ZNF804A: variants seen among roughly 807,000 people sequenced by gnomAD.
ZNF804A encodes zinc finger protein 804A.
Under a neutral mutation model 16.5 loss-of-function variants are expected in ZNF804A, and 2 were observed. The observed-to-expected ratio is 0.12, with a 90% confidence interval of 0.05 to 0.38. The LOEUF is 0.38. Among genes scored for constraint, ZNF804A ranks in the 10% least tolerant of loss-of-function variants. The probability of loss-of-function intolerance (pLI) is 0.99; values close to 1 mark genes in which losing one functional copy is unlikely to be tolerated. For missense variants in ZNF804A, 1,473 were observed against 1,390.7 expected, an observed-to-expected ratio of 1.06 and a Z score of -0.94; for synonymous variants, 534 against 489.6, an observed-to-expected ratio of 1.09 and a Z score of -1.20.
chr2:184,850,267 G>A (rs562237630), intron 1 of ZNF804A, among the ~76,000 whole-genome samples: 2 of 151,846 alleles, frequency 1.3e-5, no homozygotes, highest in Admixed American at 6.6e-5. Flanking sequence ...TTGAGGTGAT[G>A]GATACTCCAA....
At chr2:184,794,188 G>A (rs1694594707) in intron 1 of ZNF804A, among the ~76,000 whole-genome samples, 1 of 152,060 alleles carries the variant, frequency 6.6e-6, no homozygotes, top group Admixed American at 6.6e-5. Flanking sequence ...ATTCCCACCA[G>A]CAGTGTAGAA....
chr2:184,616,723 T>C (rs1261467945), intron 1 of ZNF804A, among the ~76,000 whole-genome samples: 1 of 152,092 alleles, frequency 6.6e-6, no homozygotes, highest in African/African-American at 2.4e-5. Flanking sequence ...TGCAGGAAAA[T>C]AAAGTTCTAC....
intron 2 of ZNF804A, among the ~76,000 whole-genome samples, chr2:184,925,981 G>A (rs1194629289): frequency 6.6e-6 from 1 of 151,762 alleles, no homozygotes; most frequent in Non-Finnish European, 1.5e-5. Flanking sequence ...AGTTGCTGTA[G>A]TTGTTGTTTT....
intron 2 of ZNF804A, among the ~76,000 whole-genome samples, chr2:184,898,965 G>A (rs1310387860): frequency 1.3e-5 from 2 of 151,822 alleles, no homozygotes; most frequent in Admixed American, 1.3e-4. Flanking sequence ...TAATTAATAA[G>A]CCTTGTGTTT....
intron 2 of ZNF804A, among the ~76,000 whole-genome samples, chr2:184,877,429 G>A (rs1408268582): frequency 6.6e-6 from 1 of 152,030 alleles, no homozygotes; most frequent in African/African-American, 2.4e-5. Context: ...GATTTGAGAA[G>A]GGTACATTCC....
chr2:184,777,884 T>C (rs959463571), intron 1 of ZNF804A, among the ~76,000 whole-genome samples: 1 of 151,682 alleles, frequency 6.6e-6, no homozygotes, highest in African/African-American at 2.4e-5. Context: ...AGTGATTTTG[T>C]TGAGTTGATA....
intron 1 of ZNF804A, among the ~76,000 whole-genome samples, chr2:184,861,345 T>G (rs775687498): frequency 4.6e-5 from 7 of 152,196 alleles, no homozygotes; most frequent in Non-Finnish European, 1.0e-4. Context: ...GGTGCTACAA[T>G]CTCTTATCTG....
chr2:184,617,062 T>C (rs560795813), intron 1 of ZNF804A, among the ~76,000 whole-genome samples: 2 of 152,120 alleles, frequency 1.3e-5, no homozygotes, highest in African/African-American at 4.8e-5. Flanking sequence ...TTTTAGAAAA[T>C]TAGCTATACA....
intron 2 of ZNF804A, among the ~76,000 whole-genome samples, chr2:184,907,128 G>A (rs1410696857): frequency 1.4e-4 from 22 of 152,134 alleles, no homozygotes; most frequent in Admixed American, 1.4e-3. Context: ...TATACCCTGA[G>A]GAGAGAACAC....
intron 1 of ZNF804A, among the ~76,000 whole-genome samples, chr2:184,685,320 T>C (rs907780248): frequency 6.6e-6 from 1 of 152,010 alleles, no homozygotes; most frequent in African/African-American, 2.4e-5. Flanking sequence ...AAAGAGAGTG[T>C]CACAGCCGTG....
intron 1 of ZNF804A, among the ~76,000 whole-genome samples, chr2:184,778,197 A>G (rs1041149775): frequency 6.6e-6 from 1 of 151,506 alleles, no homozygotes; most frequent in Non-Finnish European, 1.5e-5. Flanking sequence ...GACATGCACA[A>G]ATTTGTTTTA....
chr2:184,620,609 T>C (rs1358873229), intron 1 of ZNF804A, among the ~76,000 whole-genome samples: 1 of 151,764 alleles, frequency 6.6e-6, no homozygotes, highest in Admixed American at 6.6e-5. Flanking sequence ...CATCAGGGTA[T>C]GGAATCACAC....
At chr2:184,717,908 A>C (rs965865467) in intron 1 of ZNF804A, among the ~76,000 whole-genome samples, 2 of 152,208 alleles carry the variant, frequency 1.3e-5, no homozygotes, top group African/African-American at 4.8e-5. Flanking sequence ...AAGAACTGGA[A>C]CAAGACAAGC....
chr2:184,617,451 A>G (rs1000039615), intron 1 of ZNF804A, among the ~76,000 whole-genome samples: 1 of 152,148 alleles, frequency 6.6e-6, no homozygotes, highest in Non-Finnish European at 1.5e-5. Context: ...ATAAAAAGAC[A>G]TAAAAGTAAA....
intron 1 of ZNF804A, among the ~76,000 whole-genome samples, chr2:184,762,774 A>T (rs1694059097): frequency 6.6e-6 from 1 of 152,104 alleles, no homozygotes; most frequent in Non-Finnish European, 1.5e-5. Context: ...TTTATCAATG[A>T]TGACCTTACA....
At chr2:184,927,423 C>A (rs779187426) in intron 2 of ZNF804A, among the ~76,000 whole-genome samples, 11 of 152,292 alleles carry the variant, frequency 7.2e-5, no homozygotes, top group Non-Finnish European at 1.2e-4. Context: ...TGGCCACCAC[C>A]ACTGGGATTG....
At chr2:184,911,207 C>A (rs1685351292) in intron 2 of ZNF804A, among the ~76,000 whole-genome samples, 1 of 152,058 alleles carries the variant, frequency 6.6e-6, no homozygotes, top group African/African-American at 2.4e-5. Context: ...GCTATCTCAG[C>A]ACTATTAATT....
intron 1 of ZNF804A, among the ~76,000 whole-genome samples, chr2:184,722,170 T>C (rs925429047): frequency 2.1e-4 from 32 of 152,168 alleles, no homozygotes; most frequent in African/African-American, 7.5e-4. Context: ...AATAAATTCA[T>C]GTTCTCCACT....
At position 184,933,668 on chromosome 2, in the gene ZNF804A, A is replaced by C. The variant is rs1284193541; in HGVS notation, c.321A>C (p.Glu107Asp). ...TAGCATCTAAATCCAGGAAAGATGA[A>C]AGAAAACAGGAAAAGGCACTCCAAC... ...RNVASKSRKD[E>D]RKQEKALQRL... The change falls in exon 3 of 4, where the codon GAA becomes GAC. Residue 107 changes from glutamate to aspartate, a missense_variant. Transcript: ENST00000302277. 1 of 1,611,602 alleles carries C rather than the reference A, an allele frequency of 6.2e-7. No individual in the cohort carries two copies. The highest frequency in any genetic ancestry group is 8.5e-7 in the Non-Finnish European group (1 of 1,179,016).
Sources: allele counts gnomAD v4.1 joint callset (sites outside exome capture counted in the v4.1 genomes callset), GRCh38; gene constraint gnomAD v4.1.1; transcripts MANE v1.5; gene names NCBI Gene and HGNC (gene_info 2026-07-23, HGNC 2026-07-21).